INSYN2B: variants seen among roughly 807,000 people sequenced by gnomAD.
INSYN2B encodes inhibitory synaptic factor family member 2B.
Under a neutral mutation model 41.2 loss-of-function variants are expected in INSYN2B, and 16 were observed. The ratio of observed to expected loss-of-function variants is 0.39; its 90% CI spans 0.26 to 0.59. The LOEUF is 0.59. Among genes scored for constraint, INSYN2B ranks in the 20% least tolerant of loss-of-function variants. The probability of loss-of-function intolerance (pLI) is 0.57; values close to 1 mark genes in which losing one functional copy is unlikely to be tolerated. For synonymous variants in INSYN2B, 245 were observed against 244.4 expected (o/e 1.00, Z -0.02); for missense variants, 608 against 646.4 (o/e 0.94, Z 0.64).
intron 3 of INSYN2B, among the ~76,000 whole-genome samples, chr5:169,873,919 G>C (rs1272778499): frequency 6.6e-6 from 1 of 152,148 alleles, no homozygotes; most frequent in East Asian, 1.9e-4. Flanking sequence ...GTGCACAGCT[G>C]TGAGGCTTTG....
At chr5:169,923,321 T>C (rs1205936488) in intron 1 of INSYN2B, among the ~76,000 whole-genome samples, 1 of 152,274 alleles carries the variant, frequency 6.6e-6, no homozygotes, top group Admixed American at 6.5e-5. Flanking sequence ...ATATATTTCC[T>C]AAATTTCCTA....
Position 169,883,808 on chromosome 5 carries a change from T to C in INSYN2B, c.91A>G (p.Arg31Gly). ...VEFVKQPHHR[R>G]SKSQQVRFKE... ...AATCTCACCTGCTGGGATTTGCTCC[T>C]GCGGTGGTGAGGTTGTTTCACAAAC... The change falls in exon 2 of 4, where the codon AGG becomes GGG. Residue 31 changes from arginine to glycine, a missense_variant. Transcript: ENST00000377365. 6.4e-7 allele frequency: 1 copy of C among 1,551,146 alleles called. No individual in the cohort carries two copies. The highest frequency in any genetic ancestry group is 1.2e-5 in the South Asian group (1 of 84,026).
chr5:169,915,670 T>A (rs1017278162), intron 1 of INSYN2B, among the ~76,000 whole-genome samples: 1 of 151,880 alleles, frequency 6.6e-6, no homozygotes, highest in African/African-American at 2.4e-5. Flanking sequence ...TCCACTGATG[T>A]TCATTATTTA....
chr5:169,915,702 G>C (rs781020956), intron 1 of INSYN2B, among the ~76,000 whole-genome samples: 2 of 151,908 alleles, frequency 1.3e-5, no homozygotes, highest in African/African-American at 4.8e-5. Context: ...AACATTTAAA[G>C]GCAATTGTCA....
chr5:169,897,335 C>T (rs1773670629), intron 1 of INSYN2B, among the ~76,000 whole-genome samples: 1 of 152,106 alleles, frequency 6.6e-6, no homozygotes, highest in African/African-American at 2.4e-5. Flanking sequence ...CAGGCACACA[C>T]CACCACACCC....
intron 1 of INSYN2B, among the ~76,000 whole-genome samples, chr5:169,971,832 A>C (rs1269096875): frequency 1.3e-5 from 2 of 152,092 alleles, no homozygotes; most frequent in Admixed American, 1.3e-4. Flanking sequence ...CCCTCTAAAT[A>C]TCTCTCGTAG....
At chr5:169,896,351 T>A (rs1203001382) in intron 1 of INSYN2B, among the ~76,000 whole-genome samples, 1 of 152,140 alleles carries the variant, frequency 6.6e-6, no homozygotes, top group African/African-American at 2.4e-5. Context: ...TAGTGTGGCA[T>A]GGTGGACAAG....
At chr5:169,965,376 C>T (rs1053300051) in intron 1 of INSYN2B, among the ~76,000 whole-genome samples, 1 of 152,196 alleles carries the variant, frequency 6.6e-6, no homozygotes, top group Admixed American at 6.5e-5. Context: ...GATAGACACT[C>T]CTTTGCATTA....
chr5:169,894,151 C>T lies in INSYN2B; in HGVS notation c.-918-9335G>A, dbSNP rs180979913. Reference sequence around the variant, plus strand: ...TTTTAGATTTACTAGCCCTTTTCCACCTCACAACAAGTTTTGCCAAGACTA... The same window carrying T: ...TTTTAGATTTACTAGCCCTTTTCCATCTCACAACAAGTTTTGCCAAGACTA... On this transcript the variant is annotated intron_variant, in intron 1 of 3. Transcript: ENST00000377365. Among the ~76,000 whole-genome samples, 657 of 152,276 alleles carry T rather than the reference C, an allele frequency of 4.3e-3. 7 individuals carry two copies. The highest frequency in any genetic ancestry group is 0.015 in the African/African-American group (616 of 41,542).
chr5:169,869,975 AG>A (rs1329710924), intron 3 of INSYN2B, among the ~76,000 whole-genome samples: 1 of 152,164 alleles, frequency 6.6e-6, no homozygotes, highest in African/African-American at 2.4e-5. Context: ...CTTACAGTGG[AG>A]GGCAAATAGT....
intron 1 of INSYN2B, among the ~76,000 whole-genome samples, chr5:169,897,949 A>G (rs1053324662): frequency 9.2e-5 from 14 of 152,342 alleles, no homozygotes; most frequent in African/African-American, 3.1e-4. Flanking sequence ...CTCCCCTAGA[A>G]ATAAAGGAGC....
intron 3 of INSYN2B, among the ~76,000 whole-genome samples, chr5:169,871,826 C>T (rs1771998484): frequency 1.3e-5 from 2 of 152,156 alleles, no homozygotes; most frequent in African/African-American, 2.4e-5. Context: ...CTGACCAGTC[C>T]ACCTTGGAAT....
chr5:169,963,606 T>C (rs558491046), intron 1 of INSYN2B, among the ~76,000 whole-genome samples: 63 of 152,268 alleles, frequency 4.1e-4, no homozygotes, highest in African/African-American at 1.5e-3. Flanking sequence ...TCCCCTCCGG[T>C]GCACATCAAA....
chr5:169,938,130 T>A (rs756041114), intron 1 of INSYN2B, among the ~76,000 whole-genome samples: 63 of 152,230 alleles, frequency 4.1e-4, no homozygotes, highest in Non-Finnish European at 7.9e-4. Context: ...CAAGACAAAA[T>A]GCTCCCTGCC....
At chr5:169,893,672 C>T (rs1350063202) in intron 1 of INSYN2B, among the ~76,000 whole-genome samples, 1 of 152,064 alleles carries the variant, frequency 6.6e-6, no homozygotes, top group Admixed American at 6.6e-5. Context: ...CATGTTTCAC[C>T]CCTCTTCTCC....
At chr5:169,911,612 G>A (rs1426020226) in intron 1 of INSYN2B, among the ~76,000 whole-genome samples, 1 of 152,180 alleles carries the variant, frequency 6.6e-6, no homozygotes, top group Non-Finnish European at 1.5e-5. Context: ...TTCACGTGGT[G>A]CTAAATCAAT....
chr5:169,875,326 G>C (rs1772261137), intron 3 of INSYN2B: 3 of 456,528 alleles, frequency 6.6e-6, no homozygotes. Context: ...AGACACCCAG[G>C]AGGTTCCGAT....
At chr5:169,870,257 A>G (rs1771867976) in intron 3 of INSYN2B, among the ~76,000 whole-genome samples, 1 of 152,308 alleles carries the variant, frequency 6.6e-6, no homozygotes. Flanking sequence ...TACCTCACTA[A>G]TCTGGCTTAC....
chr5:169,875,473 G>T, intron 3 of INSYN2B: 2 of 336,928 alleles, frequency 5.9e-6, no homozygotes, highest in Non-Finnish European at 1.2e-5. Flanking sequence ...CTTCAGATGA[G>T]TCTGGCATCT....
Sources: gnomAD v4.1 joint callset for allele counts (sites outside exome capture counted in the v4.1 genomes callset) on GRCh38, gnomAD v4.1.1 for gene constraint, MANE v1.5 for transcripts, NCBI Gene and HGNC (gene_info 2026-07-23, HGNC 2026-07-21) for gene names.